Variants in LPP observed in about 807,000 individuals in gnomAD.
LPP encodes the protein LIM domain containing preferred translocation partner in lipoma.
LPP carries 38 observed loss-of-function variants against 60.4 expected under a neutral mutation model. The ratio of observed to expected loss-of-function variants is 0.63; its 90% CI spans 0.49 to 0.83. The LOEUF (loss-of-function observed/expected upper bound fraction) is 0.83. Among genes scored for constraint, LPP ranks in the 40% least tolerant of loss-of-function variants. LPP has a pLI of 0.00. For synonymous variants in LPP, 328 were observed against 290.8 expected (o/e 1.13, Z -1.30); for missense variants, 902 against 783.6 (o/e 1.15, Z -1.80).
intron 3 of LPP, among the ~76,000 whole-genome samples, chr3:188,353,450 A>C (rs182657678): frequency 2.4e-4 from 37 of 152,390 alleles, no homozygotes; most frequent in Middle Eastern, 3.4e-3. Flanking sequence ...ATTTTTCATA[A>C]ACCCAATACA....
At chr3:188,387,605 C>G (rs373181550) in intron 3 of LPP, among the ~76,000 whole-genome samples, 4 of 149,256 alleles carry the variant, frequency 2.7e-5, no homozygotes, top group African/African-American at 5.0e-5. Context: ...CTCACCCTGT[C>G]GCCCATGCTG....
At chr3:188,786,034 T>TAATTATCTC (rs1400490290) in intron 9 of LPP, among the ~76,000 whole-genome samples, 5 of 152,140 alleles carry the variant, frequency 3.3e-5, no homozygotes, top group African/African-American at 1.2e-4. Flanking sequence ...AGGTGTGTAG[T>TAATTATCTC]AATTATCTCA....
chr3:188,406,289 C>G lies in LPP; in HGVS notation c.169C>G (p.Pro57Ala), dbSNP rs145658316. ...AGTTGCTCCAAAACCTAAGTACAACCCATACAAACAACCTGGAGGTGAGGG... is the reference window on the plus strand; with the variant it reads ...AGTTGCTCCAAAACCTAAGTACAACGCATACAAACAACCTGGAGGTGAGGG... ...PVVAPKPKYN[P>A]YKQPGGEGDF... The change falls in exon 4 of 12, where the codon CCA becomes GCA. Residue 57 changes from proline (P) to alanine (A), a missense_variant. Pro to Ala is a conservative substitution (Grantham distance 27). Coordinates refer to ENST00000617246, the MANE Select transcript of LPP (RefSeq NM_001375462.1). 94 of 1,613,908 alleles carry G rather than the reference C, an allele frequency of 5.8e-5. No individual in the cohort carries two copies. The highest frequency in any genetic ancestry group is 7.3e-5 in the Non-Finnish European group (86 of 1,179,972).
intron 5 of LPP, among the ~76,000 whole-genome samples, chr3:188,491,590 C>T (rs7653763): frequency 6.6e-6 from 1 of 152,218 alleles, no homozygotes; most frequent in Admixed American, 6.5e-5. Context: ...GCAATAGCAG[C>T]AGCAGCTTGC....
chr3:188,204,770 G>A (rs1732699568), intron 1 of LPP, among the ~76,000 whole-genome samples: 1 of 152,138 alleles, frequency 6.6e-6, no homozygotes, highest in South Asian at 2.1e-4. Flanking sequence ...CCAATGACCT[G>A]GAGGAGTGTT....
intron 2 of LPP, among the ~76,000 whole-genome samples, chr3:188,321,632 T>C (rs539728823): frequency 6.6e-6 from 1 of 152,302 alleles, no homozygotes; most frequent in African/African-American, 2.4e-5. Flanking sequence ...ATTTTCATAA[T>C]TGAGAACATA....
At chr3:188,234,316 T>C (rs1183352963) in intron 2 of LPP, among the ~76,000 whole-genome samples, 1 of 151,678 alleles carries the variant, frequency 6.6e-6, no homozygotes, top group South Asian at 2.1e-4. Context: ...GAGGAATGAG[T>C]GGTTTGGATT....
chr3:188,277,661 G>C (rs912180328), intron 2 of LPP, among the ~76,000 whole-genome samples: 1 of 152,192 alleles, frequency 6.6e-6, no homozygotes, highest in Non-Finnish European at 1.5e-5. Flanking sequence ...GTGTTAAAGT[G>C]TGTTTATGAA....
chr3:188,276,422 G>A (rs1739720539), intron 2 of LPP, among the ~76,000 whole-genome samples: 1 of 152,188 alleles, frequency 6.6e-6, no homozygotes, highest in Admixed American at 6.5e-5. Flanking sequence ...CACAGAACCT[G>A]GAGGAAAGAG....
At chr3:188,551,841 A>G (rs540539797) in intron 6 of LPP, among the ~76,000 whole-genome samples, 36 of 152,268 alleles carry the variant, frequency 2.4e-4, no homozygotes, top group African/African-American at 7.7e-4. Flanking sequence ...GGCATAAACT[A>G]TTTCAGGAAA....
At chr3:188,826,797 C>T (rs553126481) in intron 9 of LPP, among the ~76,000 whole-genome samples, 7 of 152,148 alleles carry the variant, frequency 4.6e-5, no homozygotes, top group African/African-American at 1.7e-4. Flanking sequence ...CATCTCTGCA[C>T]CTCTCTATGT....
chr3:188,486,525 T>C (rs1365201180), intron 5 of LPP, among the ~76,000 whole-genome samples: 1 of 152,106 alleles, frequency 6.6e-6, no homozygotes, highest in African/African-American at 2.4e-5. Context: ...GACGCTTAAA[T>C]GAGGACTTGA....
chr3:188,275,020 C>G (rs6793536), intron 2 of LPP, among the ~76,000 whole-genome samples: 13,899 of 152,178 alleles, frequency 0.091, 1,080 homozygotes, highest in African/African-American at 0.21. Flanking sequence ...GTTCTAAATC[C>G]TGTCCCCTTC....
chr3:188,862,723 AT>A (rs371616389), intron 9 of LPP, among the ~76,000 whole-genome samples: 6,985 of 100,424 alleles, frequency 0.07, 403 homozygotes, highest in East Asian at 0.16. Context: ...AAAAAAATAA[AT>A]AAATAAATAA....
chr3:188,473,334 T>G (rs562011279), intron 4 of LPP, among the ~76,000 whole-genome samples: 1 of 152,310 alleles, frequency 6.6e-6, no homozygotes, highest in Admixed American at 6.5e-5. Context: ...GTCCTAGTGA[T>G]GTCTCTTTTC....
chr3:188,882,522 A>G lies in LPP; in HGVS notation c.*8043A>G, dbSNP rs1364373820. 2 of 224,556 alleles carry G rather than the reference A, an allele frequency of 8.9e-6. No homozygotes were observed. The highest frequency in any genetic ancestry group is 1.8e-4 in the South Asian group (1 of 5,472). The allele number at this position is 224,556 out of a possible 1,614,324, so 13.9% of individuals were successfully genotyped here. On this transcript the variant is annotated 3_prime_UTR_variant, in exon 12 of 12. Coordinates refer to ENST00000617246, the MANE Select transcript of LPP (RefSeq NM_001375462.1). ...CAGTATGGACAGGAAGCAGCCCTCC[A>G]TGAACTTTATTATCACAGAATATGA...
At chr3:188,354,663 G>T (rs1766978620) in intron 3 of LPP, among the ~76,000 whole-genome samples, 1 of 152,116 alleles carries the variant, frequency 6.6e-6, no homozygotes. Context: ...GTTTCTTTCA[G>T]AAGAAACTTT....
chr3:188,228,468 GTGATTTAA>G (rs1718638334), intron 2 of LPP, among the ~76,000 whole-genome samples: 1 of 152,122 alleles, frequency 6.6e-6, no homozygotes, highest in South Asian at 2.1e-4. Context: ...GCCAGACTAC[GTGATTTAA>G]TGAGAATGAA....
intron 7 of LPP, among the ~76,000 whole-genome samples, chr3:188,618,252 T>G (rs1845212959): frequency 6.6e-6 from 1 of 152,234 alleles, no homozygotes; most frequent in Non-Finnish European, 1.5e-5. Flanking sequence ...CTGTTTCATC[T>G]TTGGACTTCA....
Sources: gnomAD v4.1 joint callset for allele counts (sites outside exome capture counted in the v4.1 genomes callset) on GRCh38, gnomAD v4.1.1 for gene constraint, MANE v1.5 for transcripts, NCBI Gene and HGNC (gene_info 2026-07-23, HGNC 2026-07-21) for gene names.